ZNF362: variants seen among roughly 807,000 people sequenced by gnomAD.
The protein encoded by ZNF362 is zinc finger protein 362, also known as rotund homolog.
In ZNF362, 11 loss-of-function variants were observed where a neutral mutation model predicts 42.9. The observed-to-expected ratio is 0.26, with a 90% CI of 0.16 to 0.42. The LOEUF (loss-of-function observed/expected upper bound fraction) is 0.42, where lower values mean the gene tolerates loss of function less well. ZNF362 is among the 20% of genes least tolerant of loss of function. The probability of loss-of-function intolerance (pLI) is 1.00; values close to 1 mark genes in which losing one functional copy is unlikely to be tolerated. For synonymous variants in ZNF362, 255 were observed against 257.3 expected (o/e 0.99, Z 0.09); for missense variants, 362 against 576.2 (o/e 0.63, Z 3.81).
chr1:33,167,457 C>G, the ZNF362 span, among the ~76,000 whole-genome samples: 1 of 152,194 alleles, frequency 6.6e-6, no homozygotes, highest in Non-Finnish European at 1.5e-5. The surrounding 1 kb of genome is among the most constrained non-coding windows in gnomAD (Gnocchi z 4.2). Flanking sequence ...CATTGGGAAT[C>G]TAGCCCATTG....
chr1:33,201,597 A>G, the ZNF362 span, among the ~76,000 whole-genome samples: 1 of 152,234 alleles, frequency 6.6e-6, no homozygotes, highest in Non-Finnish European at 1.5e-5. Context: ...TGGAATTAAA[A>G]TGGTAATACA....
At chr1:33,205,975 C>A in the ZNF362 span, among the ~76,000 whole-genome samples, 1 of 151,938 alleles carries the variant, frequency 6.6e-6, no homozygotes, top group Non-Finnish European at 1.5e-5. Flanking sequence ...AGTACAGATT[C>A]CAAATATAGA....
the ZNF362 span, among the ~76,000 whole-genome samples, chr1:33,131,359 T>C: frequency 2.6e-5 from 4 of 152,218 alleles, no homozygotes; most frequent in African/African-American, 9.7e-5. Context: ...AACAGTAAGA[T>C]TGAGGCTAGG....
chr1:33,232,256 G>A, the ZNF362 span, among the ~76,000 whole-genome samples: 13 of 152,132 alleles, frequency 8.5e-5, no homozygotes, highest in African/African-American at 3.1e-4. Flanking sequence ...TTAAAGATGC[G>A]TAAGTGGAAA....
At chr1:33,165,409 C>T in the ZNF362 span, 10 of 1,453,206 alleles carry the variant, frequency 6.9e-6, no homozygotes, top group South Asian at 1.1e-4. The surrounding 1 kb of genome is among the most constrained non-coding windows in gnomAD (Gnocchi z 4.0). Flanking sequence ...CAGCTGGCCC[C>T]GCCCCTCGAA....
At chr1:33,188,577 G>C in the ZNF362 span, among the ~76,000 whole-genome samples, 1 of 152,180 alleles carries the variant, frequency 6.6e-6, no homozygotes, top group Non-Finnish European at 1.5e-5. Flanking sequence ...GTAATCAACT[G>C]GCACCATGTG....
the ZNF362 span, among the ~76,000 whole-genome samples, chr1:33,248,312 C>T: frequency 6.6e-6 from 1 of 152,198 alleles, no homozygotes; most frequent in Admixed American, 6.5e-5. Flanking sequence ...CCCTCCTGCC[C>T]ATTTCACTGC....
chr1:33,227,315 A>G, the ZNF362 span, among the ~76,000 whole-genome samples: 1 of 152,142 alleles, frequency 6.6e-6, no homozygotes, highest in African/African-American at 2.4e-5. Flanking sequence ...GCTTTGACCA[A>G]TAGAGTATGG....
chr1:33,293,998 A>G (rs1330096432), intron 6 of ZNF362, among the ~76,000 whole-genome samples: 1 of 152,172 alleles, frequency 6.6e-6, no homozygotes, highest in African/African-American at 2.4e-5. Context: ...CACAGAACTT[A>G]CTACCTTCTA....
chr1:33,236,735 GATTTGTTAATTAGCTTT>G, the ZNF362 span, among the ~76,000 whole-genome samples: 1 of 150,830 alleles, frequency 6.6e-6, no homozygotes, highest in Admixed American at 6.6e-5. Flanking sequence ...TGAGGTGACC[GATTTGTTAATTAGCTTT>G]ATTTAATCAT....
At chr1:33,200,025 A>C in the ZNF362 span, 1 of 150,308 alleles carries the variant, frequency 6.7e-6, no homozygotes, top group Non-Finnish European at 1.5e-5. Context: ...AAAACAAAAC[A>C]AAACAAACAA....
At chr1:33,176,175 C>A in the ZNF362 span, among the ~76,000 whole-genome samples, 1 of 152,230 alleles carries the variant, frequency 6.6e-6, no homozygotes, top group Non-Finnish European at 1.5e-5. Flanking sequence ...CCTGTCCATG[C>A]TACAAAATAA....
the ZNF362 span, among the ~76,000 whole-genome samples, chr1:33,217,739 T>G: frequency 6.6e-6 from 1 of 152,076 alleles, no homozygotes; most frequent in Non-Finnish European, 1.5e-5. Context: ...GTAGCCACCA[T>G]TAAGATTTTG....
chr1:33,250,117 T>G, the ZNF362 span, among the ~76,000 whole-genome samples: 2 of 152,180 alleles, frequency 1.3e-5, no homozygotes, highest in Non-Finnish European at 2.9e-5. Flanking sequence ...GCACCCACTA[T>G]GCACCAGGCA....
At chr1:33,144,230 C>T in the ZNF362 span, among the ~76,000 whole-genome samples, 8 of 152,170 alleles carry the variant, frequency 5.3e-5, no homozygotes, top group South Asian at 2.1e-4. Flanking sequence ...CTCCGCCTCC[C>T]GGGTTCAAGA....
At chr1:33,227,177 C>G in the ZNF362 span, among the ~76,000 whole-genome samples, 2 of 152,072 alleles carry the variant, frequency 1.3e-5, no homozygotes, top group Non-Finnish European at 2.9e-5. Context: ...ATGAGTGAAT[C>G]GTATGGTACG....
At chr1:33,134,047 G>A in the ZNF362 span, among the ~76,000 whole-genome samples, 1 of 152,226 alleles carries the variant, frequency 6.6e-6, no homozygotes, top group Non-Finnish European at 1.5e-5. Context: ...TTTATAAGGG[G>A]CAGAGGCAGG....
At chr1:33,184,393 G>C in the ZNF362 span, among the ~76,000 whole-genome samples, 1 of 152,234 alleles carries the variant, frequency 6.6e-6, no homozygotes, top group Non-Finnish European at 1.5e-5. Context: ...CTATGTAGTA[G>C]AGTAGCAGTC....
intron 7 of ZNF362, 65 bp downstream of exon 7, chr1:33,295,080 A>G: frequency 6.9e-7 from 1 of 1,453,616 alleles, no homozygotes; most frequent in African/African-American, 1.4e-5. Flanking sequence ...CCCCACAAGG[A>G]AGCGTAGGAA....
Sources: gnomAD v4.1 joint callset for allele counts (sites outside exome capture counted in the v4.1 genomes callset) on GRCh38, gnomAD v4.1.1 for gene constraint, Gnocchi (gnomAD v3.1) non-coding constraint, MANE v1.5 for transcripts, NCBI Gene and HGNC (gene_info 2026-07-23, HGNC 2026-07-21) for gene names.